EML1: variants seen among roughly 807,000 people sequenced by gnomAD.
EML1 encodes EMAP like 1.
EML1 carries 27 observed loss-of-function variants against 110.4 expected under a neutral mutation model. The observed-to-expected ratio is 0.24, with a 90% confidence interval of 0.18 to 0.34. The LOEUF (loss-of-function observed/expected upper bound fraction) is 0.34. Ranked by LOEUF, EML1 falls within the 10% of genes least tolerant of loss-of-function variation. The pLI is 1.00. For synonymous variants in EML1, 344 were observed against 385.8 expected, an observed-to-expected ratio of 0.89 and a Z score of 1.27; for missense variants, 741 against 1,030.9, an observed-to-expected ratio of 0.72 and a Z score of 3.85.
At chr14:99,919,459 C>G (rs1458805793) in intron 16 of EML1, among the ~76,000 whole-genome samples, 1 of 151,008 alleles carries the variant, frequency 6.6e-6, no homozygotes, top group Non-Finnish European at 1.5e-5. Flanking sequence ...CACACACACA[C>G]ACACTCCACC....
intron 4 of EML1, among the ~76,000 whole-genome samples, chr14:99,879,292 G>A (rs2059346350): frequency 6.6e-6 from 1 of 152,100 alleles, no homozygotes; most frequent in African/African-American, 2.4e-5. Context: ...TCTATATAAT[G>A]TACTTTGTAA....
intron 4 of EML1, among the ~76,000 whole-genome samples, chr14:99,887,164 G>A (rs952925264): frequency 2.0e-5 from 3 of 152,176 alleles, no homozygotes; most frequent in Non-Finnish European, 4.4e-5. Context: ...GTCTGGTGAA[G>A]ATTCAAATGT....
At chr14:99,803,391 A>G (rs1414235232) in intron 1 of EML1, among the ~76,000 whole-genome samples, 1 of 152,250 alleles carries the variant, frequency 6.6e-6, no homozygotes, top group African/African-American at 2.4e-5. Flanking sequence ...ATCTACGTGC[A>G]TTATACACAC....
At chr14:99,802,133 G>A (rs189467038) in intron 1 of EML1, among the ~76,000 whole-genome samples, 398 of 152,278 alleles carry the variant, frequency 2.6e-3, no homozygotes, top group Non-Finnish European at 4.8e-3. Context: ...GGGTAGGTGG[G>A]AGTGGGGAGA....
chr14:99,899,537 A>C (rs2059726151), intron 8 of EML1: 1 of 152,036 alleles, frequency 6.6e-6, no homozygotes, highest in Non-Finnish European at 1.5e-5. Context: ...GGCTGGTCTC[A>C]AACTTCTGGG....
chr14:99,801,572 G>C, intron 1 of EML1, among the ~76,000 whole-genome samples: 1 of 151,582 alleles, frequency 6.6e-6, no homozygotes, highest in African/African-American at 2.4e-5. Flanking sequence ...CCAAGATCGT[G>C]CCACTGCACT....
At chr14:99,813,736 G>A (rs1235144071) in intron 1 of EML1, among the ~76,000 whole-genome samples, 2 of 152,164 alleles carry the variant, frequency 1.3e-5, no homozygotes, top group Non-Finnish European at 2.9e-5. Context: ...TAACTATAGA[G>A]ATGGAGGAGG....
chr14:99,795,721 C>G lies in EML1; in HGVS notation c.67+2178C>G, dbSNP rs150925242. 9.9e-4 allele frequency among the ~76,000 whole-genome samples: 151 copies of G among 152,262 alleles called. 1 individual carries two copies. The highest frequency in any genetic ancestry group is 3.2e-3 in the African/African-American group (131 of 41,554). On this transcript the variant is annotated intron_variant, in intron 1 of 21. Coordinates refer to ENST00000262233, the MANE Select transcript of EML1 (RefSeq NM_004434.3). Reference sequence around the variant, plus strand: ...ATATTTCATTAGCTACATTGGCAAACAATTTTTTCTTTTTAAATGAGAGAC... The same window carrying G: ...ATATTTCATTAGCTACATTGGCAAAGAATTTTTTCTTTTTAAATGAGAGAC...
intron 1 of EML1, among the ~76,000 whole-genome samples, chr14:99,745,360 G>A (rs1286451467): frequency 6.6e-6 from 1 of 152,056 alleles, no homozygotes; most frequent in Non-Finnish European, 1.5e-5. Flanking sequence ...GCCATCATCC[G>A]GCCCCAAATG....
intron 8 of EML1, chr14:99,899,282 G>A (rs1346085491): frequency 6.6e-6 from 1 of 151,708 alleles, no homozygotes; most frequent in African/African-American, 2.4e-5. Context: ...AGTAACATTG[G>A]ATTTTAAATA....
rs530904442 is a variant in EML1 at position 99,936,830 on chromosome 14, C to T, written c.2095+496C>T. ...GGGCCCAGGCAGTGCTTGGGAACAG[C>T]GAGGATGATCGTGGCGGGCACTTAC... On this transcript the variant is annotated intron_variant, in intron 19 of 21. Transcript: ENST00000262233. This position sits in a 1 kb window ranked among gnomAD's most constrained non-coding sequence, Gnocchi z 5.5. Among the ~76,000 whole-genome samples the T allele has an allele frequency of 8.7e-4, 133 of 152,282 alleles. 1 individual carries two copies. The highest frequency in any genetic ancestry group is 3.1e-3 in the African/African-American group (130 of 41,578).
intron 17 of EML1, among the ~76,000 whole-genome samples, chr14:99,933,784 C>T (rs562688324): frequency 6.6e-6 from 1 of 152,358 alleles, no homozygotes; most frequent in Non-Finnish European, 1.5e-5. Flanking sequence ...GGACCTAGCA[C>T]ATAGTAGGCT....
At chr14:99,768,428 G>A (rs1017899108), upstream of EML1, among the ~76,000 whole-genome samples, 1 of 152,154 alleles carries the variant, frequency 6.6e-6, no homozygotes, top group Non-Finnish European at 1.5e-5. Flanking sequence ...CTCGGAGGAA[G>A]AGGGTCCAAA....
intron 2 of EML1, among the ~76,000 whole-genome samples, chr14:99,864,735 C>G (rs369454524): frequency 4.8e-4 from 73 of 151,492 alleles, no homozygotes; most frequent in African/African-American, 1.8e-3. Flanking sequence ...TCGCTTGAAC[C>G]CAGGAGACCG....
chr14:99,910,218 T>C (rs750041955), intron 11 of EML1, 24 bp from the exon 12 acceptor site: 1 of 1,496,662 alleles, frequency 6.7e-7, no homozygotes, highest in South Asian at 1.2e-5. Flanking sequence ...AATATATATA[T>C]AATTTTTTTA....
rs748502379 is a variant in EML1 at position 99,911,486 on chromosome 14, G to T, written c.1404G>T (p.Met468Ile). 24 of 1,613,100 alleles carry T rather than the reference G, an allele frequency of 1.5e-5. No homozygotes were observed. In the South Asian group the frequency reaches 2.6e-4, roughly 18 times the overall value. Reference protein sequence around the residue: ...AHEGGIFALCMLRDGTLVSGG... With the variant: ...AHEGGIFALCILRDGTLVSGG... ...AGGGTGGCATTTTTGCACTTTGTAT[G>T]TTAAGAGATGGCACACTGGTGTCGG... The change falls in exon 13 of 22, where the codon ATG (methionine) becomes ATT (isoleucine). Residue 468 changes from methionine (M) to isoleucine (I), a missense_variant. This residue lies in a region of EML1 where 388 missense variants were observed against 605.6 expected (regional missense o/e 0.64). Coordinates refer to ENST00000262233, the MANE Select transcript of EML1 (RefSeq NM_004434.3).
intron 1 of EML1, among the ~76,000 whole-genome samples, chr14:99,755,813 G>A (rs1365929227): frequency 1.8e-4 from 28 of 152,322 alleles, no homozygotes; most frequent in East Asian, 1.9e-4. Flanking sequence ...GGGACCAAGC[G>A]GGAGCTGCAA....
At position 99,840,524 on chromosome 14, in the gene EML1, C is replaced by T. The variant is rs12436532; in HGVS notation, c.68-10329C>T. ...GGCGTGGGGACACTGGGCATGGGGA[C>T]ACTGCACCACAAAGCTTAGGCCCTG... is the stretch of plus-strand genomic sequence containing the variant. On this transcript the variant is annotated intron_variant, in intron 1 of 21. Coordinates refer to ENST00000262233, the MANE Select transcript of EML1 (RefSeq NM_004434.3). Among the ~76,000 whole-genome samples the T allele has an allele frequency of 4.9e-3, 739 of 152,274 alleles. 25 individuals carry two copies. Among genetic ancestry groups the T allele is most frequent in the Admixed American group, 0.035 (540 of 15,300 alleles).
chr14:99,745,348 G>A (rs1011423457), intron 1 of EML1, among the ~76,000 whole-genome samples: 2 of 152,224 alleles, frequency 1.3e-5, no homozygotes, highest in Admixed American at 6.5e-5. Flanking sequence ...TCACAGGCAT[G>A]AGCCATCATC....
Sources: allele counts gnomAD v4.1 joint callset (sites outside exome capture counted in the v4.1 genomes callset), GRCh38; gene constraint gnomAD v4.1.1; regional missense constraint gnomAD v4.1.1; non-coding constraint Gnocchi (gnomAD v3.1); transcripts MANE v1.5; gene names NCBI Gene and HGNC (gene_info 2026-07-23, HGNC 2026-07-21).